LINGO2: variants seen among roughly 807,000 people sequenced by gnomAD.
The protein encoded by LINGO2 is leucine rich repeat and Ig domain containing 2.
Under a neutral mutation model 30.6 loss-of-function variants are expected in LINGO2, and 14 were observed. The ratio of observed to expected loss-of-function variants is 0.46; its 90% CI spans 0.30 to 0.72. The LOEUF is 0.72. Ranked by LOEUF, LINGO2 falls within the 30% of genes least tolerant of loss-of-function variation. The pLI is 0.07. For synonymous variants in LINGO2, 317 were observed against 288.5 expected, an observed-to-expected ratio of 1.10 and a Z score of -1.00; for missense variants, 729 against 751.7, an observed-to-expected ratio of 0.97 and a Z score of 0.35.
At chr9:28,188,628 TA>T (rs1819629820) in intron 4 of LINGO2, among the ~76,000 whole-genome samples, 1 of 151,966 alleles carries the variant, frequency 6.6e-6, no homozygotes, top group African/African-American at 2.4e-5. Context: ...AAGAGGCAGT[TA>T]AAAAAAAGTG....
the LINGO2 span, among the ~76,000 whole-genome samples, chr9:28,767,853 T>C: frequency 6.7e-6 from 1 of 149,934 alleles, no homozygotes; most frequent in Non-Finnish European, 1.5e-5. Flanking sequence ...TTCTCCTCCA[T>C]CTCTTTCTTT....
chr9:29,009,829 G>A, the LINGO2 span, among the ~76,000 whole-genome samples: 1 of 152,124 alleles, frequency 6.6e-6, no homozygotes, highest in African/African-American at 2.4e-5. Context: ...TACCAAAACA[G>A]AGATACAGAC....
At chr9:28,404,900 T>TTGTGTGTGTGTGTG (rs60281661) in intron 2 of LINGO2, among the ~76,000 whole-genome samples, 4,994 of 102,482 alleles carry the variant, frequency 0.049, 227 homozygotes, top group African/African-American at 0.11. Context: ...CTCAGCCGCT[T>TTGTGTGTGTGTGTG]TGTGTGTGTG....
At chr9:28,199,614 A>G (rs1820155287) in intron 4 of LINGO2, among the ~76,000 whole-genome samples, 1 of 152,162 alleles carries the variant, frequency 6.6e-6, no homozygotes, top group Admixed American at 6.5e-5. Context: ...TTGGGATTAC[A>G]GGCGTGAGCC....
the LINGO2 span, among the ~76,000 whole-genome samples, chr9:28,778,112 A>C: frequency 8.5e-5 from 13 of 152,300 alleles, 1 homozygote; most frequent in South Asian, 1.7e-3. Flanking sequence ...TGAATGGTTG[A>C]CTATAACTCC....
chr9:28,192,916 T>C (rs575593886), intron 4 of LINGO2, among the ~76,000 whole-genome samples: 1 of 152,112 alleles, frequency 6.6e-6, no homozygotes, highest in Non-Finnish European at 1.5e-5. Flanking sequence ...CAAGATAAAA[T>C]AATTTCAACA....
chr9:28,352,271 T>A (rs1819932668), intron 3 of LINGO2, among the ~76,000 whole-genome samples: 1 of 149,882 alleles, frequency 6.7e-6, no homozygotes, highest in Non-Finnish European at 1.5e-5. Context: ...CAGCCCAAAA[T>A]CTCCTTAAGC....
intron 2 of LINGO2, among the ~76,000 whole-genome samples, chr9:28,460,644 C>A (rs141492107): frequency 6.6e-6 from 1 of 152,204 alleles, no homozygotes; most frequent in East Asian, 1.9e-4. Context: ...GAAAAATGAT[C>A]TTTCAATGAA....
At chr9:28,712,580 A>G in the LINGO2 span, among the ~76,000 whole-genome samples, 3 of 151,640 alleles carry the variant, frequency 2.0e-5, no homozygotes, top group Non-Finnish European at 4.4e-5. Flanking sequence ...TAAAATGGAC[A>G]TAATAAACAG....
At chr9:28,074,162 C>T (rs1003356134) in intron 4 of LINGO2, among the ~76,000 whole-genome samples, 7 of 152,254 alleles carry the variant, frequency 4.6e-5, no homozygotes, top group African/African-American at 1.7e-4. Flanking sequence ...AACTGCAGCA[C>T]AACTGCTGCC....
the LINGO2 span, among the ~76,000 whole-genome samples, chr9:28,766,697 A>T: frequency 6.6e-6 from 1 of 151,928 alleles, no homozygotes; most frequent in Non-Finnish European, 1.5e-5. Flanking sequence ...GAATGAATGG[A>T]TCAATACACT....
chr9:29,002,206 T>C, the LINGO2 span, among the ~76,000 whole-genome samples: 2 of 152,074 alleles, frequency 1.3e-5, no homozygotes, highest in African/African-American at 4.8e-5. Context: ...TCTTCATTAC[T>C]GCTTAATCCT....
chr9:28,061,948 A>C (rs1020842682), intron 4 of LINGO2, among the ~76,000 whole-genome samples: 2 of 152,118 alleles, frequency 1.3e-5, no homozygotes, highest in African/African-American at 4.8e-5. Flanking sequence ...AGTGCCTGGC[A>C]ATATTACTAC....
At chr9:29,006,960 C>T in the LINGO2 span, among the ~76,000 whole-genome samples, 1 of 152,074 alleles carries the variant, frequency 6.6e-6, no homozygotes, top group Non-Finnish European at 1.5e-5. Context: ...TAATGCTGAA[C>T]TCTACTGCTC....
intron 2 of LINGO2, among the ~76,000 whole-genome samples, chr9:28,462,664 T>C (rs1284111510): frequency 2.6e-5 from 4 of 152,028 alleles, no homozygotes; most frequent in Admixed American, 6.6e-5. Flanking sequence ...AAATTAATCA[T>C]AATTCTTGCT....
At chr9:28,778,460 T>C in the LINGO2 span, among the ~76,000 whole-genome samples, 6 of 152,190 alleles carry the variant, frequency 3.9e-5, no homozygotes, top group Non-Finnish European at 7.3e-5. Context: ...ACCTTACTAC[T>C]ACAAATGCAT....
At chr9:28,850,510 C>A in the LINGO2 span, among the ~76,000 whole-genome samples, 1 of 152,036 alleles carries the variant, frequency 6.6e-6, no homozygotes, top group Non-Finnish European at 1.5e-5. Context: ...TGCTTCTGGT[C>A]CATGAACTAT....
chr9:28,459,525 T>A (rs1587703630), intron 2 of LINGO2, among the ~76,000 whole-genome samples: 1 of 152,204 alleles, frequency 6.6e-6, no homozygotes, highest in East Asian at 1.9e-4. Context: ...TTTTCCTCAT[T>A]TAATATTTAA....
chr9:28,770,881 C>G, the LINGO2 span, among the ~76,000 whole-genome samples: 2 of 152,154 alleles, frequency 1.3e-5, no homozygotes, highest in African/African-American at 4.8e-5. Context: ...AGAATTTTGT[C>G]ATTAGCATCA....
Sources: gnomAD v4.1 joint callset for allele counts (sites outside exome capture counted in the v4.1 genomes callset) on GRCh38, gnomAD v4.1.1 for gene constraint, MANE v1.5 for transcripts, NCBI Gene and HGNC (gene_info 2026-07-23, HGNC 2026-07-21) for gene names.